The following TASP1 variants were observed in gnomAD, a reference collection of about 807,000 sequenced individuals.
TASP1 encodes threonine aspartase 1.
Under a neutral mutation model 56.6 loss-of-function variants are expected in TASP1, and 16 were observed. That is an observed-to-expected ratio of 0.28 (90% CI 0.19 to 0.43). The LOEUF is 0.43. TASP1 is among the 20% of genes least tolerant of loss of function. TASP1 has a pLI of 1.00. For synonymous variants in TASP1, 179 were observed against 184.2 expected (o/e 0.97, Z 0.23); for missense variants, 393 against 511.6 (o/e 0.77, Z 2.24).
the TASP1 span, chr20:13,221,751 G>A: frequency 7.1e-7 from 1 of 1,418,294 alleles, no homozygotes; most frequent in Non-Finnish European, 9.2e-7. Flanking sequence ...GCCGCGCCGG[G>A]TCCTAAAGCC....
chr20:13,250,248 G>T, the TASP1 span, among the ~76,000 whole-genome samples: 1 of 152,066 alleles, frequency 6.6e-6, no homozygotes, highest in Admixed American at 6.6e-5. Flanking sequence ...TTATACACTG[G>T]GTACTGTGTC....
At chr20:13,572,230 T>C (rs1288847912) in intron 6 of TASP1, among the ~76,000 whole-genome samples, 2 of 152,178 alleles carry the variant, frequency 1.3e-5, no homozygotes, top group Non-Finnish European at 2.9e-5. Flanking sequence ...TAAATAAAAA[T>C]TGTCAAGATA....
At chr20:13,153,880 T>C in the TASP1 span, 1 of 1,302,864 alleles carries the variant, frequency 7.7e-7, no homozygotes, top group Non-Finnish European at 1.1e-6. Flanking sequence ...CCTTCCCTAC[T>C]TCCTCCTCCC....
the TASP1 span, among the ~76,000 whole-genome samples, chr20:13,146,487 T>C: frequency 6.6e-6 from 1 of 152,198 alleles, no homozygotes; most frequent in Non-Finnish European, 1.5e-5. Flanking sequence ...CAGCTTCCCA[T>C]ATTAGCTCAT....
chr20:13,400,315 A>C (rs2123645153), intron 13 of TASP1, among the ~76,000 whole-genome samples: 1 of 152,318 alleles, frequency 6.6e-6, no homozygotes, highest in South Asian at 2.1e-4. Context: ...TTAATAGCTG[A>C]AATCTCAAGC....
the TASP1 span, among the ~76,000 whole-genome samples, chr20:13,362,362 G>A: frequency 2.0e-5 from 3 of 151,882 alleles, no homozygotes; most frequent in African/African-American, 7.3e-5. Context: ...CATCTTAACT[G>A]ATGAAATTCC....
the TASP1 span, among the ~76,000 whole-genome samples, chr20:13,281,759 GGACCGCTTGATGCCAGC>G: frequency 2.6e-5 from 4 of 152,208 alleles, no homozygotes; most frequent in African/African-American, 9.6e-5. Flanking sequence ...GAAGCACAGA[GGACCGCTTGATGCCAGC>G]CTGAGATTGC....
chr20:13,129,472 G>T, the TASP1 span, among the ~76,000 whole-genome samples: 1 of 152,174 alleles, frequency 6.6e-6, no homozygotes, highest in Non-Finnish European at 1.5e-5. Context: ...TCAATTATTT[G>T]AGATTTAAGC....
At chr20:13,379,262 C>A in the TASP1 span, among the ~76,000 whole-genome samples, 1 of 152,192 alleles carries the variant, frequency 6.6e-6, no homozygotes, top group African/African-American at 2.4e-5. Context: ...TCTTGTAAGG[C>A]AGGCCTGGTG....
At chr20:13,612,185 C>CA (rs959637583) in intron 4 of TASP1, among the ~76,000 whole-genome samples, 25 of 152,048 alleles carry the variant, frequency 1.6e-4, no homozygotes, top group Admixed American at 4.6e-4. Flanking sequence ...TGCAGTCTAC[C>CA]AAGTGTCAAC....
chr20:13,638,558 G>C (rs113159638), intron 1 of TASP1, among the ~76,000 whole-genome samples: 84 of 152,214 alleles, frequency 5.5e-4, no homozygotes, highest in African/African-American at 2.0e-3. Flanking sequence ...TGCGAACCTC[G>C]GACTCTGAGA....
At chr20:13,264,166 G>A in the TASP1 span, among the ~76,000 whole-genome samples, 6 of 152,214 alleles carry the variant, frequency 3.9e-5, no homozygotes, top group Non-Finnish European at 5.9e-5. Flanking sequence ...GGAGACTGAA[G>A]ACAGGGCCTG....
chr20:13,193,697 A>C, the TASP1 span, among the ~76,000 whole-genome samples: 1 of 152,196 alleles, frequency 6.6e-6, no homozygotes, highest in African/African-American at 2.4e-5. Flanking sequence ...CAGTGTCATC[A>C]AGGAGCCAGA....
chr20:13,554,678 G>C (rs1028324692), intron 8 of TASP1, among the ~76,000 whole-genome samples: 1 of 151,950 alleles, frequency 6.6e-6, no homozygotes, highest in Admixed American at 6.6e-5. Flanking sequence ...TTTGGTTTCC[G>C]AGTGCACATA....
At chr20:13,421,065 C>T (rs1012542413) in intron 12 of TASP1, among the ~76,000 whole-genome samples, 1 of 148,752 alleles carries the variant, frequency 6.7e-6, no homozygotes, top group African/African-American at 2.5e-5. Context: ...TGGCCAAGAT[C>T]AATATATTTG....
At chr20:13,380,168 T>C in the TASP1 span, among the ~76,000 whole-genome samples, 2 of 152,250 alleles carry the variant, frequency 1.3e-5, no homozygotes, top group South Asian at 4.1e-4. Context: ...GTTTTTGGAA[T>C]TTTCAGCCTT....
the TASP1 span, among the ~76,000 whole-genome samples, chr20:13,348,585 T>G: frequency 6.6e-6 from 1 of 152,234 alleles, no homozygotes; most frequent in Non-Finnish European, 1.5e-5. Flanking sequence ...TTCTGTTCAC[T>G]CAAATGGTAT....
At chr20:13,373,460 T>TG in the TASP1 span, among the ~76,000 whole-genome samples, 1,609 of 151,550 alleles carry the variant, frequency 0.011, 27 homozygotes, top group African/African-American at 0.037. Context: ...CTTTCAGTTT[T>TG]TTTTTTTTTT....
chr20:13,223,162 A>AAAAATAAAAT, the TASP1 span, among the ~76,000 whole-genome samples: 1 of 146,074 alleles, frequency 6.8e-6, no homozygotes, highest in East Asian at 2.1e-4. Context: ...GTCTCAAAAA[A>AAAAATAAAAT]AAAATAAAAT....
Sources: gnomAD v4.1 joint callset for allele counts (sites outside exome capture counted in the v4.1 genomes callset) on GRCh38, gnomAD v4.1.1 for gene constraint, MANE v1.5 for transcripts, NCBI Gene and HGNC (gene_info 2026-07-23, HGNC 2026-07-21) for gene names.